The following USP34 variants were observed in gnomAD, a reference collection of about 807,000 sequenced individuals.
USP34 encodes the protein ubiquitin carboxyl-terminal hydrolase 34.
A neutral mutation model predicts 460.3 loss-of-function variants in USP34; 70 were observed. The observed-to-expected ratio is 0.15, with a 90% CI of 0.13 to 0.19. The LOEUF is 0.19. Among genes scored for constraint, USP34 ranks in the 10% least tolerant of loss-of-function variants. USP34 has a pLI of 1.00. For synonymous variants in USP34, 1,647 were observed against 1,405.3 expected (o/e 1.17, Z -3.85); for missense variants, 3,985 against 4,236.2 (o/e 0.94, Z 1.65).
intron 6 of USP34, among the ~76,000 whole-genome samples, chr2:61,382,704 G>C (rs1166215809): frequency 1.3e-5 from 2 of 152,150 alleles, no homozygotes; most frequent in Non-Finnish European, 2.9e-5. Flanking sequence ...ATTCTAATCA[G>C]TACAACCCTT....
intron 27 of USP34, among the ~76,000 whole-genome samples, chr2:61,311,060 T>C (rs909086798): frequency 4.1e-4 from 63 of 152,130 alleles, no homozygotes; most frequent in African/African-American, 1.4e-3. Flanking sequence ...TGAACATGGA[T>C]GGTGGACCTT....
intron 10 of USP34, among the ~76,000 whole-genome samples, chr2:61,363,891 A>G (rs1022960046): frequency 2.6e-5 from 4 of 152,256 alleles, no homozygotes; most frequent in African/African-American, 9.6e-5. Context: ...AATGTTTGCT[A>G]TGACATAGAT....
chr2:61,363,002 A>T (rs1692320804), intron 10 of USP34, among the ~76,000 whole-genome samples: 1 of 152,174 alleles, frequency 6.6e-6, no homozygotes, highest in South Asian at 2.1e-4. Context: ...TTTTTGTAAA[A>T]CTCAAAAGAA....
chr2:61,199,109 G>A (rs925721064), intron 75 of USP34, among the ~76,000 whole-genome samples: 3 of 152,002 alleles, frequency 2.0e-5, no homozygotes, highest in Non-Finnish European at 2.9e-5. Flanking sequence ...TCACCATGTA[G>A]TATTTTCAAT....
intron 41 of USP34, among the ~76,000 whole-genome samples, chr2:61,269,323 ATTTTTTT>A (rs397869885): frequency 6.7e-5 from 9 of 135,022 alleles, no homozygotes; most frequent in Non-Finnish European, 1.1e-4. Context: ...ACCTTGGCTA[ATTTTTTT>A]TTTTTTTTTT....
intron 59 of USP34, 82 bp from the exon 60 acceptor site, chr2:61,229,077 G>T: frequency 1.8e-6 from 2 of 1,113,366 alleles, no homozygotes; most frequent in Non-Finnish European, 2.4e-6. Context: ...TTTAAACTCT[G>T]AATTTCTTTT....
At chr2:61,336,981 T>C (rs1009877632) in intron 18 of USP34, among the ~76,000 whole-genome samples, 20 of 152,292 alleles carry the variant, frequency 1.3e-4, no homozygotes, top group African/African-American at 4.8e-4. Flanking sequence ...GGACCCTTAA[T>C]GGCTGCATGA....
chr2:61,389,516 G>C (rs1033896093), intron 5 of USP34, among the ~76,000 whole-genome samples: 8 of 152,060 alleles, frequency 5.3e-5, no homozygotes, highest in African/African-American at 1.9e-4. Context: ...ATACAAGGAA[G>C]ATCTACCATT....
At chr2:61,268,227 G>A (rs1241559462) in intron 41 of USP34, among the ~76,000 whole-genome samples, 6 of 151,838 alleles carry the variant, frequency 4.0e-5, no homozygotes, top group Non-Finnish European at 8.8e-5. Flanking sequence ...TTAGGCTGCT[G>A]TAATAAAATA....
At chr2:61,235,581 C>T (rs1476474127) in intron 57 of USP34, among the ~76,000 whole-genome samples, 2 of 152,082 alleles carry the variant, frequency 1.3e-5, no homozygotes, top group Non-Finnish European at 2.9e-5. Context: ...ACCTTAGCTT[C>T]CTAAGGTGCT....
At chr2:61,235,809 T>C in intron 57 of USP34, 36 bp downstream of exon 57, 1 of 1,594,106 alleles carries the variant, frequency 6.3e-7, no homozygotes, top group Non-Finnish European at 8.5e-7. Flanking sequence ...AAAAAGAATC[T>C]TAAACTATGC....
At chr2:61,250,792 C>G (rs756671225) in intron 48 of USP34, among the ~76,000 whole-genome samples, 8 of 152,190 alleles carry the variant, frequency 5.3e-5, no homozygotes, top group Non-Finnish European at 7.3e-5. Flanking sequence ...ACACTAAAAT[C>G]AGGCCGATCT....
chr2:61,390,103 C>T (rs1021969439), intron 5 of USP34, among the ~76,000 whole-genome samples: 1 of 152,046 alleles, frequency 6.6e-6, no homozygotes, highest in African/African-American at 2.4e-5. Context: ...ATTGTGTTCC[C>T]CTATACGTTA....
At chr2:61,239,410 A>T (rs1688181484) in intron 53 of USP34, among the ~76,000 whole-genome samples, 1 of 144,866 alleles carries the variant, frequency 6.9e-6, no homozygotes, top group Admixed American at 6.9e-5. Context: ...TAAAGGTTTT[A>T]TTTAAAATTT....
intron 1 of USP34, among the ~76,000 whole-genome samples, chr2:61,467,989 A>G (rs1334241925): frequency 6.6e-6 from 1 of 152,054 alleles, no homozygotes; most frequent in East Asian, 1.9e-4. Flanking sequence ...TACAGGCGGG[A>G]AAAGGGCAGA....
At chr2:61,298,257 C>A (rs574420733) in intron 29 of USP34, among the ~76,000 whole-genome samples, 32 of 151,026 alleles carry the variant, frequency 2.1e-4, no homozygotes, top group African/African-American at 7.8e-4. Flanking sequence ...TGCAGTGGCT[C>A]CCACCTGTAA....
chr2:61,366,307 A>G (rs1450858372), intron 10 of USP34, among the ~76,000 whole-genome samples: 1 of 152,226 alleles, frequency 6.6e-6, no homozygotes, highest in Non-Finnish European at 1.5e-5. Context: ...GAGGTAGGTG[A>G]GATGATCTTC....
intron 75 of USP34, among the ~76,000 whole-genome samples, chr2:61,196,955 TTATAAG>T (rs1415497219): frequency 6.6e-6 from 1 of 152,154 alleles, no homozygotes; most frequent in Non-Finnish European, 1.5e-5. Flanking sequence ...TGGTATTCTG[TTATAAG>T]TATCTCTATT....
intron 2 of USP34, among the ~76,000 whole-genome samples, chr2:61,413,809 C>A (rs1241906131): frequency 6.9e-6 from 1 of 145,524 alleles, no homozygotes; most frequent in Non-Finnish European, 1.5e-5. Flanking sequence ...GAAACCCCGT[C>A]TCTACTAGAT....
Sources: allele counts gnomAD v4.1 joint callset (sites outside exome capture counted in the v4.1 genomes callset), GRCh38; gene constraint gnomAD v4.1.1; transcripts MANE v1.5; gene names NCBI Gene and HGNC (gene_info 2026-07-23, HGNC 2026-07-21).